CLK3: variants seen among roughly 807,000 people sequenced by gnomAD.
CLK3 encodes the protein CDC like kinase 3.
Under a neutral mutation model 65.2 loss-of-function variants are expected in CLK3, and 24 were observed. The observed-to-expected ratio is 0.37, with a 90% CI of 0.27 to 0.52. The LOEUF (loss-of-function observed/expected upper bound fraction) is 0.52, where lower values mean the gene tolerates loss of function less well. Ranked by LOEUF, CLK3 falls within the 20% of genes least tolerant of loss-of-function variation. The pLI is 0.92. For synonymous variants in CLK3, 252 were observed against 240.8 expected (o/e 1.05, Z -0.43); for missense variants, 506 against 660.0 (o/e 0.77, Z 2.56).
upstream of CLK3, among the ~76,000 whole-genome samples, chr15:74,613,873 T>A (rs939806017): frequency 2.6e-5 from 4 of 152,036 alleles, no homozygotes; most frequent in African/African-American, 9.7e-5. Flanking sequence ...ACCTGGCTAG[T>A]GTGGTCGAGG....
At chr15:74,616,009 T>C in intron 1 of CLK3, 111 bp downstream of exon 1, 1 of 867,704 alleles carries the variant, frequency 1.2e-6, no homozygotes, top group East Asian at 3.3e-5. Flanking sequence ...CCTTTCTTTC[T>C]CCTCTTCGGC....
At chr15:74,614,591 C>A (rs556136872), upstream of CLK3, among the ~76,000 whole-genome samples, 61 of 152,384 alleles carry the variant, frequency 4.0e-4, 1 homozygote, top group African/African-American at 1.4e-3. Context: ...AACACCCCTA[C>A]AAATCACGCC....
intron 1 of CLK3, among the ~76,000 whole-genome samples, chr15:74,609,792 C>A (rs1180959630): frequency 6.6e-6 from 1 of 152,258 alleles, no homozygotes; most frequent in East Asian, 1.9e-4. Context: ...ATCCTGGGGT[C>A]TCCTTCCAGC....
upstream of CLK3, chr15:74,615,247 G>C: frequency 2.3e-6 from 1 of 427,918 alleles, no homozygotes. Context: ...CTCCGGCCCC[G>C]CCAGAGTAGC....
rs942090938 is a variant in CLK3 at position 74,624,805 on chromosome 15, G to C, written c.534-97G>C. ...CTCTCTTCAGTGCCGGCTGCTCCTG[G>C]AGTGGTGTTTGTTGGGAGTTGCTGG... On this transcript the variant is annotated intron_variant, in intron 5 of 12. Coordinates refer to ENST00000395066, the MANE Select transcript of CLK3 (RefSeq NM_001130028.2). This position sits in a 1 kb window ranked among gnomAD's most constrained non-coding sequence, Gnocchi z 4.2. 3.6e-5 allele frequency: 30 copies of C among 834,394 alleles called. No homozygotes were observed. Among genetic ancestry groups the C allele is most frequent in the Middle Eastern group, 6.4e-4 (2 of 3,112 alleles). The allele number at this position is 834,394 out of a possible 1,614,324, so 51.7% of individuals were successfully genotyped here.
chr15:74,622,011 C>T lies in CLK3; in HGVS notation c.370-109C>T, dbSNP rs775747054. 9.3e-6 allele frequency: 9 copies of T among 969,008 alleles called. No individual in the cohort carries two copies. Among genetic ancestry groups the T allele is most frequent in the African/African-American group, 1.6e-5 (1 of 62,698 alleles). The allele number at this position is 969,008 out of a possible 1,614,324, so 60.0% of individuals were successfully genotyped here. On this transcript the variant is annotated intron_variant, in intron 3 of 12. Transcript: ENST00000395066. This position sits in a 1 kb window ranked among gnomAD's most constrained non-coding sequence, Gnocchi z 4.6. ...TGGAAAATCCAACCAACCAACCCACCGGCTCCTCACCGTCTCCACCTCTGC... is the reference window on the plus strand; with the variant it reads ...TGGAAAATCCAACCAACCAACCCACTGGCTCCTCACCGTCTCCACCTCTGC...
chr15:74,625,033 G>C lies in CLK3; in HGVS notation c.650+15G>C. 1 of 1,587,346 alleles carries C rather than the reference G, an allele frequency of 6.3e-7. No individual in the cohort carries two copies. Among genetic ancestry groups the C allele is most frequent in the South Asian group, 1.1e-5 (1 of 90,562 alleles). ...GAAAACAAGTTGTGAGTATCTGCAA[G>C]GAGTGGGAGGGAAGCCTTCAGTGGG... On this transcript the variant is annotated intron_variant, in intron 6 of 12. Transcript: ENST00000395066.
upstream of CLK3, among the ~76,000 whole-genome samples, chr15:74,611,988 A>T (rs775603039): frequency 1.3e-5 from 2 of 152,208 alleles, no homozygotes; most frequent in African/African-American, 4.8e-5. Context: ...CAACTCCACT[A>T]AACAGTTCTC....
chr15:74,625,913 T>C lies in CLK3; in HGVS notation c.762T>C (p.Pro254=). ...TCCTGAAGGAGAATAACTTCCAGCC[T>C]TACCCCCTACCACATGTCCGGCACA... The part of the protein sequence containing the change: ...FEFLKENNFQ[P]YPLPHVRHMA... The change falls in exon 7 of 13, where the codon CCT becomes CCC. Residue 254 remains proline (P), a synonymous_variant. Transcript: ENST00000395066. 6.2e-7 allele frequency: 1 copy of C among 1,614,148 alleles called. No individual in the cohort carries two copies. Among genetic ancestry groups the C allele is most frequent in the South Asian group, 1.1e-5 (1 of 91,080 alleles).
intron 1 of CLK3, 146 bp from the exon 2 acceptor site, chr15:74,619,051 C>G (rs1234614922): frequency 6.9e-5 from 59 of 853,238 alleles, no homozygotes; most frequent in Non-Finnish European, 9.5e-5. Flanking sequence ...CCTCAGAGTT[C>G]TTCTTCACTT....
chr15:74,621,720 T>TG lies in CLK3; in HGVS notation c.370-397dup, dbSNP rs1199698942. 1 of 344,824 alleles carries TG rather than the reference T, an allele frequency of 2.9e-6. No individual in the cohort carries two copies. The highest frequency in any genetic ancestry group is 5.7e-6 in the Non-Finnish European group (1 of 174,144). 21.4% of individuals were successfully genotyped at this position (344,824 alleles called of 1,614,324 possible). ...TCTTCCGCTCTGGCCCAAAGCCACA[T>TG]GGGAGGGTCTGGGAGGGAGAGACTC... is the stretch of plus-strand genomic sequence containing the variant. On this transcript the variant is annotated intron_variant, in intron 3 of 12. Coordinates refer to ENST00000395066, the MANE Select transcript of CLK3 (RefSeq NM_001130028.2). This position sits in a 1 kb window ranked among gnomAD's most constrained non-coding sequence, Gnocchi z 4.8.
chr15:74,615,498 C>A (rs951587971), upstream of CLK3: 1 of 1,308,046 alleles, frequency 7.6e-7, no homozygotes, highest in Admixed American at 3.8e-5. Context: ...GCGGACCACG[C>A]GGGGTCGGGG....
chr15:74,628,784 T>C (rs893578554), intron 11 of CLK3, 101 bp downstream of exon 11: 7 of 1,120,728 alleles, frequency 6.2e-6, no homozygotes, highest in Non-Finnish European at 9.1e-6. Context: ...TGCTGGACAG[T>C]CCATGGTTCC....
In CLK3 at chr15:74,629,736, C is replaced by T. The variant is rs776995392; in HGVS notation, c.1326C>T (p.His442=). The change falls in exon 13 of 13, where the codon CAC becomes CAT. Residue 442 remains histidine (H), a synonymous_variant. Transcript: ENST00000395066. ...KSYMLQDSLE[H]VQLFDLMRRM... ...ACATGCTCCAAGACTCCCTGGAGCA[C>T]GTGCAGCTGTTTGACCTGATGAGGA... 9.9e-6 allele frequency: 16 copies of T among 1,613,062 alleles called. No homozygotes were observed. In the Admixed American group the frequency reaches 1.7e-4, roughly 17 times the overall value.
At chr15:74,615,558 C>A, upstream of CLK3, 1 of 1,270,474 alleles carries the variant, frequency 7.9e-7, no homozygotes, top group Non-Finnish European at 9.9e-7. Flanking sequence ...CACCTCTCGG[C>A]TCTGAGAGCC....
At chr15:74,609,270 G>C (rs1308895592) in intron 1 of CLK3, among the ~76,000 whole-genome samples, 6 of 152,018 alleles carry the variant, frequency 3.9e-5, no homozygotes, top group Non-Finnish European at 8.8e-5. Context: ...AGGCCTCTCT[G>C]ACCACCCCAG....
chr15:74,623,277 T>G (rs1344009072), intron 5 of CLK3, among the ~76,000 whole-genome samples: 3 of 152,180 alleles, frequency 2.0e-5, no homozygotes, highest in Non-Finnish European at 2.9e-5. Flanking sequence ...TGCCATAGGC[T>G]CTCTAGTTGG....
At chr15:74,610,487 G>C (rs572406842) in intron 1 of CLK3, among the ~76,000 whole-genome samples, 2 of 152,358 alleles carry the variant, frequency 1.3e-5, no homozygotes, top group South Asian at 4.1e-4. Context: ...CTCCCACCAG[G>C]CAGGGCAGTG....
chr15:74,615,989 C>A, intron 1 of CLK3, 91 bp downstream of exon 1: 1 of 960,792 alleles, frequency 1.0e-6, no homozygotes. Context: ...CATTCGGTCT[C>A]GGCCTACTCC....
Sources: gnomAD v4.1 joint callset for allele counts (sites outside exome capture counted in the v4.1 genomes callset) on GRCh38, gnomAD v4.1.1 for gene constraint, Gnocchi (gnomAD v3.1) non-coding constraint, MANE v1.5 for transcripts, NCBI Gene and HGNC (gene_info 2026-07-23, HGNC 2026-07-21) for gene names.